PLBD1: variants seen among roughly 807,000 people sequenced by gnomAD.
PLBD1 encodes phospholipase B domain containing 1.
In PLBD1, 60 loss-of-function variants were observed where a neutral mutation model predicts 63.0. The ratio of observed to expected loss-of-function variants is 0.95; its 90% CI spans 0.77 to 1.18. The LOEUF (loss-of-function observed/expected upper bound fraction) is 1.18, where lower values mean the gene tolerates loss of function less well. Among genes scored for constraint, PLBD1 ranks in the 50% most tolerant of loss-of-function variants. The probability of loss-of-function intolerance (pLI) is 0.00; values close to 1 mark genes in which losing one functional copy is unlikely to be tolerated. For missense variants in PLBD1, 598 were observed against 677.9 expected, an observed-to-expected ratio of 0.88 and a Z score of 1.31; for synonymous variants, 262 against 248.0, an observed-to-expected ratio of 1.06 and a Z score of -0.53.
At chr12:14,522,336 C>T (rs7954517) in intron 6 of PLBD1, among the ~76,000 whole-genome samples, 1 of 151,836 alleles carries the variant, frequency 6.6e-6, no homozygotes, top group East Asian at 1.9e-4. Context: ...TTGAACAGAC[C>T]AATAACAAGT....
At chr12:14,553,672 G>A (rs913137409) in intron 1 of PLBD1, 2 of 524,448 alleles carry the variant, frequency 3.8e-6, no homozygotes, top group Non-Finnish European at 6.9e-6. Context: ...GAGCCTGAGT[G>A]TTTCATCCTT....
At chr12:14,546,367 T>C (rs1945616747) in intron 2 of PLBD1, among the ~76,000 whole-genome samples, 1 of 152,110 alleles carries the variant, frequency 6.6e-6, no homozygotes. Context: ...AAAATAGTTT[T>C]ATTTATTGGA....
chr12:14,523,188 T>G (rs1945390180), intron 6 of PLBD1, among the ~76,000 whole-genome samples: 3 of 151,974 alleles, frequency 2.0e-5, no homozygotes, highest in African/African-American at 7.3e-5. Context: ...TATACAAAAA[T>G]CTATAGCATT....
At chr12:14,528,819 A>C (rs546937559) in intron 6 of PLBD1, among the ~76,000 whole-genome samples, 9 of 152,320 alleles carry the variant, frequency 5.9e-5, no homozygotes, top group African/African-American at 1.9e-4. Context: ...TAAGAGGTTA[A>C]GAAAAACATT....
In PLBD1 at chr12:14,506,286, G is replaced by A. The variant is rs750087224; in HGVS notation, c.1373-18C>T. On this transcript the variant is annotated intron_variant, in intron 9 of 10. Transcript: ENST00000240617. The stretch of plus-strand genomic sequence containing the variant: ...CTTATAATCTAGGAAACAGAAATGG[G>A]GAAGAGAGTGATTATTGGCTATTTG... The A allele has an allele frequency of 1.3e-6, 2 of 1,531,460 alleles. No individual in the cohort carries two copies. The highest frequency in any genetic ancestry group is 2.3e-5 in the South Asian group (2 of 88,818). 94.9% of individuals were successfully genotyped at this position (1,531,460 alleles called of 1,614,324 possible).
At chr12:14,542,396 A>G (rs1945580167) in intron 2 of PLBD1, 105 bp from the exon 3 acceptor site, 4 of 784,166 alleles carry the variant, frequency 5.1e-6, no homozygotes. Flanking sequence ...CCCTTATTAC[A>G]AACTCTGCCT....
chr12:14,557,232 A>T (rs957204557), intron 1 of PLBD1, among the ~76,000 whole-genome samples: 2 of 152,162 alleles, frequency 1.3e-5, no homozygotes, highest in African/African-American at 4.8e-5. Flanking sequence ...TGACAGTGTA[A>T]ATCAGTTCAA....
At chr12:14,534,940 C>T (rs892727057) in intron 6 of PLBD1, among the ~76,000 whole-genome samples, 4 of 152,148 alleles carry the variant, frequency 2.6e-5, no homozygotes, top group African/African-American at 4.8e-5. Context: ...ACTGTCCTCC[C>T]GTCCATCTCT....
intron 6 of PLBD1, 122 bp downstream of exon 6, chr12:14,535,537 T>A: frequency 9.5e-7 from 1 of 1,054,108 alleles, no homozygotes; most frequent in Non-Finnish European, 1.4e-6. Context: ...AAAATCAGAT[T>A]GTTTGTTAAT....
intron 1 of PLBD1, among the ~76,000 whole-genome samples, chr12:14,559,971 C>T (rs539468379): frequency 6.6e-6 from 1 of 152,152 alleles, no homozygotes; most frequent in South Asian, 2.1e-4. Flanking sequence ...AGCGATTCTC[C>T]TGCCTCAGCC....
At chr12:14,522,768 A>T (rs1384789097) in intron 6 of PLBD1, among the ~76,000 whole-genome samples, 3 of 152,118 alleles carry the variant, frequency 2.0e-5, no homozygotes, top group Non-Finnish European at 1.5e-5. Context: ...CCATGAAGGG[A>T]TGTTGAATCT....
In PLBD1 at chr12:14,567,843, G is replaced by T; in HGVS notation, c.-147C>A. The T allele has an allele frequency of 8.7e-7, 1 of 1,149,262 alleles. No homozygotes were observed. The highest frequency in any genetic ancestry group is 2.1e-5 in the South Asian group (1 of 47,630). 71.2% of individuals were successfully genotyped at this position (1,149,262 alleles called of 1,614,324 possible). A position where few individuals can be genotyped will look rare whatever the true frequency, so the allele number is the denominator to read the frequency against. On this transcript the variant is annotated 5_prime_UTR_variant, in exon 1 of 11. Coordinates refer to ENST00000240617, the MANE Select transcript of PLBD1 (RefSeq NM_024829.6). ...TCAACTTTCCTCTTTCTTGAGCCCG[G>T]CCTGCTCCGGGCTCTGAGGGGCGAG...
chr12:14,524,494 G>T (rs1294461383), intron 6 of PLBD1, among the ~76,000 whole-genome samples: 1 of 152,068 alleles, frequency 6.6e-6, no homozygotes, highest in African/African-American at 2.4e-5. Context: ...GAGACACTAT[G>T]GTGTGCTATT....
Position 14,553,240 on chromosome 12 carries a change from C to A in PLBD1, c.288G>T (p.Glu96Asp). The stretch of plus-strand genomic sequence containing the variant: ...AAAAGCCAGCCACAAACATGATGAT[C>A]TCATTGCTCAGGGTTTGAGAGCCAT... ...AGYGSQTLSN[E>D]IIMFVAGFLE... The change falls in exon 2 of 11, where the codon GAG becomes GAT. Residue 96 changes from glutamate to aspartate, a missense_variant. By Grantham distance (45) the Glu-to-Asp change is conservative. Coordinates refer to ENST00000240617, the MANE Select transcript of PLBD1 (RefSeq NM_024829.6). 1 of 1,614,056 alleles carries A rather than the reference C, an allele frequency of 6.2e-7. No homozygotes were observed. Among genetic ancestry groups the A allele is most frequent in the South Asian group, 1.1e-5 (1 of 91,072 alleles).
At chr12:14,528,340 A>C (rs1475037222) in intron 6 of PLBD1, among the ~76,000 whole-genome samples, 1 of 152,156 alleles carries the variant, frequency 6.6e-6, no homozygotes, top group Non-Finnish European at 1.5e-5. Flanking sequence ...GCCATAACAC[A>C]GGTCTCAATA....
intron 1 of PLBD1, among the ~76,000 whole-genome samples, chr12:14,564,421 A>G (rs1443131908): frequency 6.6e-6 from 1 of 152,220 alleles, no homozygotes; most frequent in East Asian, 1.9e-4. Context: ...GGGACCAGCA[A>G]TGCTAGGCAA....
chr12:14,523,993 A>G (rs1292282347), intron 6 of PLBD1, among the ~76,000 whole-genome samples: 1 of 152,178 alleles, frequency 6.6e-6, no homozygotes, highest in Non-Finnish European at 1.5e-5. Context: ...GGATCAAATT[A>G]TGTCATGTGT....
chr12:14,558,142 G>GT (rs1341639491), intron 1 of PLBD1, among the ~76,000 whole-genome samples: 1 of 151,828 alleles, frequency 6.6e-6, no homozygotes, highest in Non-Finnish European at 1.5e-5. Context: ...CCGGGGCTCG[G>GT]TGATAGGCTG....
chr12:14,529,491 T>C (rs1332125622), intron 6 of PLBD1, among the ~76,000 whole-genome samples: 1 of 152,130 alleles, frequency 6.6e-6, no homozygotes, highest in African/African-American at 2.4e-5. Context: ...AATCAATCAA[T>C]GTAACTTATC....
Sources: gnomAD v4.1 joint callset for allele counts (sites outside exome capture counted in the v4.1 genomes callset) on GRCh38, gnomAD v4.1.1 for gene constraint, MANE v1.5 for transcripts, NCBI Gene and HGNC (gene_info 2026-07-23, HGNC 2026-07-21) for gene names.